The following RCOR1 variants were observed in gnomAD, a reference collection of about 807,000 sequenced individuals.
The protein encoded by RCOR1 is REST corepressor 1, also known as REST corepressor.
A neutral mutation model predicts 64.0 loss-of-function variants in RCOR1; 12 were observed. That is an observed-to-expected ratio of 0.19 (90% CI 0.12 to 0.30). RCOR1 has a LOEUF of 0.30. Among genes scored for constraint, RCOR1 ranks in the 10% least tolerant of loss-of-function variants. The probability of loss-of-function intolerance (pLI) is 1.00; values close to 1 mark genes in which losing one functional copy is unlikely to be tolerated. For synonymous variants in RCOR1, 279 were observed against 227.2 expected (o/e 1.23, Z -2.05); for missense variants, 502 against 621.2 (o/e 0.81, Z 2.04).
intron 2 of RCOR1, among the ~76,000 whole-genome samples, chr14:102,680,166 TTTTTG>T (rs1363294582): frequency 6.6e-6 from 1 of 151,966 alleles, no homozygotes; most frequent in African/African-American, 2.4e-5. Context: ...TTAATTTTGA[TTTTTG>T]ATTTTTTTTT....
chr14:102,622,928 C>T (rs553246628), intron 2 of RCOR1, among the ~76,000 whole-genome samples: 31 of 152,342 alleles, frequency 2.0e-4, no homozygotes, highest in African/African-American at 7.2e-4. Flanking sequence ...GAGTTCCCCT[C>T]TTTAACTCTA....
intron 2 of RCOR1, among the ~76,000 whole-genome samples, chr14:102,597,028 A>C (rs1487629860): frequency 6.6e-6 from 1 of 151,464 alleles, no homozygotes; most frequent in African/African-American, 2.4e-5. Context: ...GCGTGCCACC[A>C]TGCCTGGCTA....
intron 2 of RCOR1, among the ~76,000 whole-genome samples, chr14:102,660,313 A>C (rs1894803607): frequency 2.0e-5 from 3 of 152,128 alleles, no homozygotes; most frequent in African/African-American, 7.2e-5. Flanking sequence ...ACAACATGAA[A>C]ATTTGAAGAT....
chr14:102,615,203 G>A (rs1239432744), intron 2 of RCOR1, among the ~76,000 whole-genome samples: 2 of 139,932 alleles, frequency 1.4e-5, no homozygotes. Flanking sequence ...AACGATCTTG[G>A]CTCACTGCAA....
At chr14:102,632,847 CTG>C (rs1287000003) in intron 2 of RCOR1, among the ~76,000 whole-genome samples, 1 of 145,944 alleles carries the variant, frequency 6.9e-6, no homozygotes, top group Non-Finnish European at 1.5e-5. Context: ...GGATCTCACT[CTG>C]TCACCTAGAC....
At chr14:102,640,167 T>C (rs1160525485) in intron 2 of RCOR1, among the ~76,000 whole-genome samples, 1 of 151,718 alleles carries the variant, frequency 6.6e-6, no homozygotes, top group African/African-American at 2.4e-5. Flanking sequence ...ATTTTTTATT[T>C]GAGTTTGCGT....
intron 3 of RCOR1, among the ~76,000 whole-genome samples, chr14:102,690,010 T>C (rs1895499437): frequency 6.6e-6 from 1 of 152,154 alleles, no homozygotes; most frequent in Non-Finnish European, 1.5e-5. Flanking sequence ...CCCAAAGTGC[T>C]GGGATTACAG....
At chr14:102,721,170 A>G (rs1273654634) in intron 9 of RCOR1, 86 bp downstream of exon 9, 18 of 1,028,570 alleles carry the variant, frequency 1.7e-5, no homozygotes, top group Non-Finnish European at 2.7e-5. Context: ...CATCCCCAGT[A>G]TACATCTCTT....
intron 2 of RCOR1, among the ~76,000 whole-genome samples, chr14:102,613,842 C>T (rs1045017226): frequency 2.6e-5 from 4 of 151,264 alleles, no homozygotes; most frequent in Non-Finnish European, 5.9e-5. Flanking sequence ...AGGAGTGAAC[C>T]ACCGCGCCTG....
intron 2 of RCOR1, among the ~76,000 whole-genome samples, chr14:102,647,316 AT>A (rs1057384516): frequency 6.6e-6 from 1 of 151,444 alleles, no homozygotes. Flanking sequence ...CCCATCTAGG[AT>A]TTTTTTTTCT....
chr14:102,616,382 A>G (rs1567409165), intron 2 of RCOR1, among the ~76,000 whole-genome samples: 1 of 152,006 alleles, frequency 6.6e-6, no homozygotes, highest in Non-Finnish European at 1.5e-5. Flanking sequence ...CTATCCTCCC[A>G]TCTCAGCCTC....
intron 2 of RCOR1, among the ~76,000 whole-genome samples, chr14:102,626,184 C>A (rs1288002531): frequency 6.6e-6 from 1 of 152,146 alleles, no homozygotes; most frequent in African/African-American, 2.4e-5. Context: ...GCTTAAATTC[C>A]AGTCATTAGA....
chr14:102,603,413 C>T (rs140447524), intron 2 of RCOR1, among the ~76,000 whole-genome samples: 46 of 152,286 alleles, frequency 3.0e-4, no homozygotes, highest in African/African-American at 1.1e-3. Context: ...CATCCTCAGC[C>T]TCTCAGGCTC....
chr14:102,654,806 T>TC (rs1194817807), intron 2 of RCOR1, among the ~76,000 whole-genome samples: 6 of 133,344 alleles, frequency 4.5e-5, no homozygotes, highest in Non-Finnish European at 6.4e-5. Flanking sequence ...TTTTTTTTTT[T>TC]CCTGTTCTTT....
At chr14:102,720,076 T>C (rs965148734) in intron 8 of RCOR1, among the ~76,000 whole-genome samples, 8 of 152,200 alleles carry the variant, frequency 5.3e-5, no homozygotes, top group African/African-American at 1.9e-4. Flanking sequence ...GAAAAAAATT[T>C]AAAAATTTTC....
chr14:102,636,008 C>T (rs905697755), intron 2 of RCOR1, among the ~76,000 whole-genome samples: 4 of 151,518 alleles, frequency 2.6e-5, no homozygotes, highest in African/African-American at 9.7e-5. Context: ...AGTGTCACCA[C>T]TGCAACCTCC....
rs976750241 is a variant in RCOR1 at position 102,721,552 on chromosome 14, A to T, written c.1189+175A>T. ...GACAACAGAGGGAGACCCTGACTTTAAAAAAAAAAAATTTTTTTTTTAATG... is the reference window on the plus strand; with the variant it reads ...GACAACAGAGGGAGACCCTGACTTTTAAAAAAAAAAATTTTTTTTTTAATG... On this transcript the variant is annotated intron_variant, in intron 10 of 11. Coordinates refer to ENST00000262241, the MANE Select transcript of RCOR1 (RefSeq NM_015156.4). 39 of 270,246 alleles carry T rather than the reference A, an allele frequency of 1.4e-4. No homozygotes were observed. The Admixed American group carries it at 1.8e-3, about 12-fold the overall frequency. The allele number at this position is 270,246 out of a possible 1,614,324, so 16.7% of individuals were successfully genotyped here.
chr14:102,632,259 C>G (rs1894128981), intron 2 of RCOR1, among the ~76,000 whole-genome samples: 1 of 149,726 alleles, frequency 6.7e-6, no homozygotes, highest in Non-Finnish European at 1.5e-5. Context: ...CTCTGTCACC[C>G]AGGCTGGAGT....
intron 3 of RCOR1, among the ~76,000 whole-genome samples, chr14:102,683,953 C>T (rs544207552): frequency 6.6e-6 from 1 of 152,306 alleles, no homozygotes; most frequent in South Asian, 2.1e-4. Context: ...CTGGGGGAGG[C>T]GCCTGGGTGC....
Sources: gnomAD v4.1 joint callset for allele counts (sites outside exome capture counted in the v4.1 genomes callset) on GRCh38, gnomAD v4.1.1 for gene constraint, MANE v1.5 for transcripts, NCBI Gene and HGNC (gene_info 2026-07-23, HGNC 2026-07-21) for gene names.